The following HAUS1 variants were observed in gnomAD, a reference collection of about 807,000 sequenced individuals.
HAUS1 encodes the protein HAUS augmin-like complex subunit 1.
HAUS1 carries 25 observed loss-of-function variants against 38.6 expected under a neutral mutation model. The ratio of observed to expected loss-of-function variants is 0.65; its 90% CI spans 0.47 to 0.91. The LOEUF is 0.91. Among genes scored for constraint, HAUS1 ranks in the 40% least tolerant of loss-of-function variants. The probability of loss-of-function intolerance (pLI) is 0.00; values close to 1 mark genes in which losing one functional copy is unlikely to be tolerated. For synonymous variants in HAUS1, 109 were observed against 112.9 expected (o/e 0.97, Z 0.22); for missense variants, 325 against 328.4 (o/e 0.99, Z 0.08).
chr18:46,117,396 C>T (rs1486264080), intron 2 of HAUS1, among the ~76,000 whole-genome samples: 1 of 152,182 alleles, frequency 6.6e-6, no homozygotes. Context: ...ATGGATGAAC[C>T]TTGAAACTAT....
At chr18:46,127,697 G>C (rs979127905) in intron 8 of HAUS1, among the ~76,000 whole-genome samples, 1 of 140,780 alleles carries the variant, frequency 7.1e-6, no homozygotes, top group Non-Finnish European at 1.5e-5. Context: ...GACAGAGTGA[G>C]ACTGCATCTC....
At chr18:46,118,854 A>G (rs1911861577) in intron 3 of HAUS1, among the ~76,000 whole-genome samples, 1 of 152,012 alleles carries the variant, frequency 6.6e-6, no homozygotes, top group African/African-American at 2.4e-5. Flanking sequence ...CTTAGCTAGG[A>G]CTACTAATAT....
intron 2 of HAUS1, among the ~76,000 whole-genome samples, chr18:46,117,095 AAATCATAC>A (rs1368449225): frequency 2.0e-5 from 3 of 152,200 alleles, no homozygotes; most frequent in Non-Finnish European, 4.4e-5. Context: ...TGGGAATGTA[AAATCATAC>A]AATCACTTTG....
intron 8 of HAUS1, 128 bp from the exon 9 acceptor site, chr18:46,127,947 A>G: frequency 2.0e-6 from 1 of 500,264 alleles, no homozygotes; most frequent in Admixed American, 3.9e-5. Context: ...TTTGATATTC[A>G]TAATGGTATT....
chr18:46,108,796 G>A (rs8098010), intron 2 of HAUS1, among the ~76,000 whole-genome samples: 11,147 of 152,136 alleles, frequency 0.073, 502 homozygotes, highest in African/African-American at 0.13. Context: ...TTTAGGCCCC[G>A]CATGATGGCT....
At chr18:46,111,833 G>A (rs764768865) in intron 2 of HAUS1, among the ~76,000 whole-genome samples, 3 of 149,700 alleles carry the variant, frequency 2.0e-5, no homozygotes, top group Admixed American at 6.7e-5. Flanking sequence ...ATGTTGGTAT[G>A]CTTAATGGTG....
At chr18:46,117,165 C>T (rs1911816612) in intron 2 of HAUS1, among the ~76,000 whole-genome samples, 1 of 152,128 alleles carries the variant, frequency 6.6e-6, no homozygotes, top group Admixed American at 6.5e-5. Flanking sequence ...TAACATATGA[C>T]CAGCAATTCC....
chr18:46,118,503 G>A (rs1452557593), intron 3 of HAUS1, 187 bp downstream of exon 3: 2 of 564,124 alleles, frequency 3.5e-6, no homozygotes, highest in Non-Finnish European at 6.2e-6. Flanking sequence ...AATTTTTAGT[G>A]TTTTCTTCTT....
chr18:46,118,112 G>A (rs540135117), intron 2 of HAUS1, 69 bp from the exon 3 acceptor site: 1 of 1,481,360 alleles, frequency 6.8e-7, no homozygotes, highest in African/African-American at 1.4e-5. Context: ...TGTGAATTAT[G>A]TCTTGATAAA....
chr18:46,114,633 A>C (rs1599811736), intron 2 of HAUS1, among the ~76,000 whole-genome samples: 1 of 152,068 alleles, frequency 6.6e-6, no homozygotes, highest in African/African-American at 2.4e-5. Context: ...TCCCGCTGGG[A>C]CTTGGACGCA....
At position 46,104,564 on chromosome 18, in the gene HAUS1, T is replaced by C; in HGVS notation, c.30+123T>C. 3 of 788,866 alleles carry C rather than the reference T, an allele frequency of 3.8e-6. No homozygotes were observed. The South Asian group carries it at 9.4e-5, about 25-fold the overall frequency. 48.9% of individuals were successfully genotyped at this position (788,866 alleles called of 1,614,324 possible). On this transcript the variant is annotated intron_variant, in intron 1 of 8. Coordinates refer to ENST00000282058, the MANE Select transcript of HAUS1 (RefSeq NM_138443.4). Reference sequence around the variant, plus strand: ...TTCTCTCCCCTATTCCACACATCCGTCTTTTAGTGCCGCCGTCACTATCTG... The same window carrying C: ...TTCTCTCCCCTATTCCACACATCCGCCTTTTAGTGCCGCCGTCACTATCTG...
chr18:46,105,439 A>G (rs954670837), intron 2 of HAUS1, 71 bp downstream of exon 2: 2 of 1,321,524 alleles, frequency 1.5e-6, no homozygotes, highest in African/African-American at 1.5e-5. Flanking sequence ...TAAAGTATAC[A>G]GGATTAATTT....
chr18:46,119,181 T>G (rs777444832), intron 3 of HAUS1, among the ~76,000 whole-genome samples: 2 of 152,174 alleles, frequency 1.3e-5, no homozygotes, highest in Non-Finnish European at 2.9e-5. Context: ...ACTACGAATA[T>G]TAATACAACT....
At chr18:46,124,438 T>G (rs1234592100) in intron 6 of HAUS1, among the ~76,000 whole-genome samples, 1 of 132,436 alleles carries the variant, frequency 7.6e-6, no homozygotes, top group Non-Finnish European at 1.6e-5. Context: ...AAAAAAAAAT[T>G]AGCCAGGCAT....
intron 2 of HAUS1, among the ~76,000 whole-genome samples, chr18:46,107,882 T>C (rs563155823): frequency 3.3e-5 from 5 of 152,304 alleles, no homozygotes; most frequent in Admixed American, 2.0e-4. Context: ...TTGTTTTTTA[T>C]AGTGGAGAGA....
intron 2 of HAUS1, among the ~76,000 whole-genome samples, chr18:46,113,221 C>T (rs538929791): frequency 5.3e-5 from 8 of 151,068 alleles, no homozygotes; most frequent in South Asian, 2.1e-4. Context: ...GGACTACAGG[C>T]GTGCAACACT....
chr18:46,114,137 C>T (rs950335448), intron 2 of HAUS1, among the ~76,000 whole-genome samples: 2 of 152,190 alleles, frequency 1.3e-5, no homozygotes, highest in Non-Finnish European at 2.9e-5. Flanking sequence ...GTTTTATCTT[C>T]TGGATGGCTC....
chr18:46,118,452 G>A, intron 3 of HAUS1, 136 bp downstream of exon 3: 1 of 715,310 alleles, frequency 1.4e-6, no homozygotes, highest in Non-Finnish European at 2.3e-6. Flanking sequence ...TCATGTCTTT[G>A]CCAGTGAGTA....
chr18:46,105,127 G>C, intron 1 of HAUS1, 67 bp from the exon 2 acceptor site: 2 of 1,220,216 alleles, frequency 1.6e-6, no homozygotes, highest in South Asian at 1.5e-5. Context: ...TCACTTCTTT[G>C]TCATATTCTC....
Sources: gnomAD v4.1 joint callset for allele counts (sites outside exome capture counted in the v4.1 genomes callset) on GRCh38, gnomAD v4.1.1 for gene constraint, MANE v1.5 for transcripts, NCBI Gene and HGNC (gene_info 2026-07-23, HGNC 2026-07-21) for gene names.